Variants in NCKAP5 observed in about 807,000 individuals in gnomAD.
NCKAP5 encodes nck-associated protein 5.
A neutral mutation model predicts 167.0 loss-of-function variants in NCKAP5; 92 were observed. The observed-to-expected ratio is 0.55, with a 90% confidence interval of 0.47 to 0.66. NCKAP5 has a LOEUF of 0.66. Among genes scored for constraint, NCKAP5 ranks in the 30% least tolerant of loss-of-function variants. NCKAP5 has a pLI of 0.00. For missense variants in NCKAP5, 2,378 were observed against 2,315.0 expected, an observed-to-expected ratio of 1.03 and a Z score of -0.56; for synonymous variants, 891 against 877.4, an observed-to-expected ratio of 1.02 and a Z score of -0.27.
Position 133,512,634 on chromosome 2 carries a change from C to T in NCKAP5, c.69+4824G>A, listed in dbSNP as rs150944885. Among the ~76,000 whole-genome samples, 309 of 152,216 alleles carry T rather than the reference C, an allele frequency of 2.0e-3. 1 individual carries two copies. The highest frequency in any genetic ancestry group is 0.014 in the Middle Eastern group (4 of 294). On this transcript the variant is annotated intron_variant, in intron 3 of 19. Coordinates refer to ENST00000409261, the MANE Select transcript of NCKAP5 (RefSeq NM_207363.3). ...TTTGCTGATTCCTGCTTCAGAATTA[C>T]ATCTAGTCACTAAATAGAGGGGAAA...
At chr2:132,790,642 A>G (rs569272189) in intron 12 of NCKAP5, among the ~76,000 whole-genome samples, 2 of 152,306 alleles carry the variant, frequency 1.3e-5, no homozygotes, top group African/African-American at 4.8e-5. Context: ...ATGGTATGGT[A>G]TGATAATTAC....
chr2:133,639,444 A>G, the NCKAP5 span, among the ~76,000 whole-genome samples: 1 of 152,156 alleles, frequency 6.6e-6, no homozygotes, highest in Non-Finnish European at 1.5e-5. Flanking sequence ...CTATGACACT[A>G]TCTGGATTAG....
intron 8 of NCKAP5, among the ~76,000 whole-genome samples, chr2:132,904,401 C>T (rs1693858662): frequency 6.6e-6 from 1 of 151,102 alleles, no homozygotes; most frequent in Admixed American, 6.6e-5. Context: ...ATAATGCATG[C>T]ACAAGATTGT....
At chr2:133,408,932 A>T (rs1468865489) in intron 3 of NCKAP5, among the ~76,000 whole-genome samples, 1 of 152,224 alleles carries the variant, frequency 6.6e-6, no homozygotes, top group Non-Finnish European at 1.5e-5. Flanking sequence ...CACACACAGC[A>T]GGGACCCAGT....
At position 132,784,498 on chromosome 2, in the gene NCKAP5, T is replaced by C. The variant is rs768067481; in HGVS notation, c.2313A>G (p.Gln771=). Residue 771 remains glutamine (Q), a synonymous_variant, in exon 14 of 20, where the codon CAA becomes CAG. Transcript: ENST00000409261. ...SRTVTQNPQQ[Q]KLVKPTHNIS... ...TATTGTGTGTTGGTTTGACCAGCTT[T>C]TGCTGCTGAGGATTTTGTGTCACTG... 1.3e-6 allele frequency: 2 copies of C among 1,572,230 alleles called. No individual in the cohort carries two copies. The highest frequency in any genetic ancestry group is 2.7e-5 in the African/African-American group (2 of 73,480).
At chr2:133,191,041 A>C (rs562007148) in intron 5 of NCKAP5, among the ~76,000 whole-genome samples, 73 of 152,182 alleles carry the variant, frequency 4.8e-4, no homozygotes, top group South Asian at 1.7e-3. Context: ...GGGCTAATAT[A>C]CAGAATCTAC....
Position 133,394,566 on chromosome 2 carries a change from TATAGCA to T in NCKAP5, c.70-91462_70-91457del, listed in dbSNP as rs1347683303. Reference sequence around the variant, plus strand: ...GTAGTGTTCATCCTAAGAAGTTTCTTATAGCAAAGCTTTAGATATTATAACCCTTTA... The same window carrying T: ...GTAGTGTTCATCCTAAGAAGTTTCTTAAGCTTTAGATATTATAACCCTTTA... On this transcript the variant is annotated intron_variant, in intron 3 of 19. Coordinates refer to ENST00000409261, the MANE Select transcript of NCKAP5 (RefSeq NM_207363.3). 2.0e-5 allele frequency among the ~76,000 whole-genome samples: 3 copies of T among 152,352 alleles called. No homozygotes were observed. In the East Asian group the frequency reaches 5.8e-4, roughly 29 times the overall value.
At chr2:132,957,950 C>A (rs1331332491) in intron 8 of NCKAP5, among the ~76,000 whole-genome samples, 4 of 152,180 alleles carry the variant, frequency 2.6e-5, no homozygotes, top group Non-Finnish European at 4.4e-5. Flanking sequence ...GCTCTCTATA[C>A]TCCGCTGAAC....
At chr2:133,448,344 GCATGAGGAAGCTCATGTATTTCATTGA>G (rs1691339227) in intron 3 of NCKAP5, among the ~76,000 whole-genome samples, 1 of 152,134 alleles carries the variant, frequency 6.6e-6, no homozygotes, top group South Asian at 2.1e-4. Flanking sequence ...TCATTCTGTA[GCATGAGGAAGCTCATGTATTTCATTGA>G]CATGAGAGGA....
At chr2:133,127,988 TCATC>T (rs1381643936) in intron 6 of NCKAP5, among the ~76,000 whole-genome samples, 3 of 151,950 alleles carry the variant, frequency 2.0e-5, no homozygotes, top group Admixed American at 1.3e-4. Context: ...CACACAGGAG[TCATC>T]CATCCTTCTT....
the NCKAP5 span, among the ~76,000 whole-genome samples, chr2:133,673,670 C>G: frequency 6.6e-6 from 1 of 152,154 alleles, no homozygotes; most frequent in Non-Finnish European, 1.5e-5. Context: ...AAAATATCCC[C>G]TTCTGGGCCT....
At chr2:133,467,619 A>G (rs62177699) in intron 3 of NCKAP5, among the ~76,000 whole-genome samples, 84,222 of 146,924 alleles carry the variant, frequency 0.57, 25,382 homozygotes, top group East Asian at 0.74. Flanking sequence ...GGTAGAATTC[A>G]GCTATGGATC....
At chr2:133,054,009 T>G (rs1361798576) in intron 6 of NCKAP5, among the ~76,000 whole-genome samples, 1 of 152,210 alleles carries the variant, frequency 6.6e-6, no homozygotes, top group East Asian at 1.9e-4. Context: ...AGATGCAGTG[T>G]ATGATGGATG....
At chr2:133,415,051 C>T (rs959003868) in intron 3 of NCKAP5, among the ~76,000 whole-genome samples, 3 of 152,196 alleles carry the variant, frequency 2.0e-5, no homozygotes, top group Admixed American at 2.0e-4. Flanking sequence ...GGTAAATACA[C>T]AGGCCAAGCG....
At chr2:132,998,662 A>T (rs2077682778) in intron 6 of NCKAP5, among the ~76,000 whole-genome samples, 1 of 152,186 alleles carries the variant, frequency 6.6e-6, no homozygotes, top group South Asian at 2.1e-4. Flanking sequence ...AAAATCAAAG[A>T]CTAAAGCATC....
intron 3 of NCKAP5, among the ~76,000 whole-genome samples, chr2:133,377,538 G>T (rs72989648): frequency 0.014 from 2,097 of 152,226 alleles, 45 homozygotes; most frequent in African/African-American, 0.047. Context: ...AAAGCCAGGG[G>T]AAAGCACCCA....
chr2:133,524,249 G>A (rs1684692827), intron 2 of NCKAP5, among the ~76,000 whole-genome samples: 1 of 152,136 alleles, frequency 6.6e-6, no homozygotes, highest in Non-Finnish European at 1.5e-5. Flanking sequence ...AAGGCTGAGG[G>A]ACACATGATT....
At chr2:132,781,287 C>T in intron 14 of NCKAP5, 58 bp from the exon 15 acceptor site, 1 of 1,504,936 alleles carries the variant, frequency 6.6e-7, no homozygotes, top group Middle Eastern at 1.8e-4. Flanking sequence ...CAATCACTCT[C>T]CTTTTCCCAA....
intron 6 of NCKAP5, among the ~76,000 whole-genome samples, chr2:133,046,888 G>A (rs1393197028): frequency 1.3e-5 from 2 of 152,160 alleles, no homozygotes; most frequent in Non-Finnish European, 2.9e-5. Flanking sequence ...TGCAATTTTC[G>A]TTGGAGTTAG....
Sources: gnomAD v4.1 joint callset for allele counts (sites outside exome capture counted in the v4.1 genomes callset) on GRCh38, gnomAD v4.1.1 for gene constraint, MANE v1.5 for transcripts, NCBI Gene and HGNC (gene_info 2026-07-23, HGNC 2026-07-21) for gene names.